The following SVEP1 variants were observed in gnomAD, a reference collection of about 807,000 sequenced individuals.
SVEP1 encodes the protein sushi, von Willebrand factor type A, EGF and pentraxin domain containing 1, also known as sushi, von Willebrand factor type A, EGF and pentraxin domain-containing protein 1.
Under a neutral mutation model 367.3 loss-of-function variants are expected in SVEP1, and 164 were observed. The observed-to-expected ratio is 0.45, with a 90% CI of 0.39 to 0.51. The LOEUF is 0.51. SVEP1 is among the 20% of genes least tolerant of loss of function. The pLI is 0.00. For synonymous variants in SVEP1, 1,666 were observed against 1,611.6 expected (o/e 1.03, Z -0.81); for missense variants, 4,117 against 4,425.3 (o/e 0.93, Z 1.98).
chr9:110,491,621 A>G (rs1175789061), intron 8 of SVEP1, among the ~76,000 whole-genome samples: 1 of 117,594 alleles, frequency 8.5e-6, no homozygotes, highest in Admixed American at 9.0e-5. Flanking sequence ...GTGTGTGCAA[A>G]TTTATCTGTA....
chr9:110,511,773 T>C (rs575098132), intron 5 of SVEP1, among the ~76,000 whole-genome samples: 110 of 152,218 alleles, frequency 7.2e-4, no homozygotes, highest in African/African-American at 2.6e-3. Context: ...CATAGATGTC[T>C]CCTGGGATTC....
intron 43 of SVEP1, among the ~76,000 whole-genome samples, chr9:110,381,395 G>C (rs969021047): frequency 1.3e-5 from 2 of 151,546 alleles, no homozygotes; most frequent in Non-Finnish European, 2.9e-5. Context: ...AGAGATTCTG[G>C]TACATTGTCT....
chr9:110,498,331 T>A, intron 7 of SVEP1, among the ~76,000 whole-genome samples: 1 of 152,176 alleles, frequency 6.6e-6, no homozygotes, highest in East Asian at 1.9e-4. Flanking sequence ...GAAATTTTTC[T>A]CCATCTCCTC....
At chr9:110,507,441 T>C (rs1829641976) in intron 5 of SVEP1, among the ~76,000 whole-genome samples, 1 of 152,214 alleles carries the variant, frequency 6.6e-6, no homozygotes, top group Admixed American at 6.5e-5. Context: ...CCCATTCAAA[T>C]TATATTAATC....
At chr9:110,457,209 AT>A in intron 21 of SVEP1, 46 bp downstream of exon 21, 1 of 1,437,364 alleles carries the variant, frequency 7.0e-7, no homozygotes, top group Middle Eastern at 1.8e-4. Context: ...AGTCATAATG[AT>A]TTCATATAAA....
chr9:110,379,061 T>C (rs748684043), intron 44 of SVEP1, among the ~76,000 whole-genome samples: 6 of 152,170 alleles, frequency 3.9e-5, no homozygotes, highest in Non-Finnish European at 7.3e-5. Context: ...TTATGATGTA[T>C]AAAAATCATA....
At chr9:110,557,295 C>A (rs184418511) in intron 1 of SVEP1, among the ~76,000 whole-genome samples, 33 of 152,266 alleles carry the variant, frequency 2.2e-4, no homozygotes, top group African/African-American at 7.9e-4. Flanking sequence ...GAGATTGAAT[C>A]CCGGCATTGC....
chr9:110,432,359 TAAAGTTAAC>T (rs1462564447), intron 31 of SVEP1, 94 bp downstream of exon 31: 2 of 1,416,002 alleles, frequency 1.4e-6, no homozygotes, highest in Non-Finnish European at 9.5e-7. Context: ...TGGGATGAGA[TAAAGTTAAC>T]AAAGCAATGC....
At chr9:110,391,389 G>C (rs1827653298) in intron 40 of SVEP1, among the ~76,000 whole-genome samples, 1 of 151,130 alleles carries the variant, frequency 6.6e-6, no homozygotes, top group Non-Finnish European at 1.5e-5. Flanking sequence ...TCCTGCCTCA[G>C]CTCCCCAAGT....
intron 18 of SVEP1, among the ~76,000 whole-genome samples, chr9:110,463,651 G>A (rs1283117958): frequency 1.4e-5 from 2 of 144,662 alleles, no homozygotes; most frequent in Admixed American, 7.0e-5. Flanking sequence ...AGAAAGAAAG[G>A]CTGATGAAAG....
At chr9:110,528,156 G>GTATATATATATA (rs59360366) in intron 3 of SVEP1, among the ~76,000 whole-genome samples, 490 of 33,828 alleles carry the variant, frequency 0.014, 11 homozygotes, top group Middle Eastern at 0.038. Flanking sequence ...GTGTGTGTGT[G>GTATATATATATA]TATATATATA....
At position 110,406,271 on chromosome 9, in the gene SVEP1, C is replaced by T. The variant is rs749769580; in HGVS notation, c.9329G>A (p.Trp3110Ter). The change falls in exon 38 of 48, where the codon TGG becomes TAG. Residue 3110 changes from tryptophan to a stop codon, truncating the protein, a stop_gained. Coordinates refer to ENST00000374469, the MANE Select transcript of SVEP1 (RefSeq NM_153366.4). LOFTEE classifies it high-confidence loss of function. ...CTCACAGACTGGATAAGGCTGGCTC[C>T]ATACCCCTTTCTCTGTACAAATCAG... is the stretch of plus-strand genomic sequence containing the variant. ...SDLICTEKGV[W>*]SQPYPVCEPL... 1 of 1,614,058 alleles carries T rather than the reference C, an allele frequency of 6.2e-7. No homozygotes were observed. Among genetic ancestry groups the T allele is most frequent in the South Asian group, 1.1e-5 (1 of 91,088 alleles).
chr9:110,576,212 T>A (rs1830625120), intron 1 of SVEP1, among the ~76,000 whole-genome samples: 1 of 150,092 alleles, frequency 6.7e-6, no homozygotes, highest in African/African-American at 2.5e-5. Context: ...CCTAAATACA[T>A]AGTAATAGGT....
intron 3 of SVEP1, among the ~76,000 whole-genome samples, chr9:110,532,412 G>A (rs1438564511): frequency 1.3e-5 from 2 of 152,060 alleles, no homozygotes; most frequent in Non-Finnish European, 2.9e-5. Context: ...AAATCGAGAA[G>A]GACTAGTAAG....
intron 39 of SVEP1, among the ~76,000 whole-genome samples, chr9:110,402,950 T>C (rs1178686713): frequency 6.6e-6 from 1 of 152,194 alleles, no homozygotes; most frequent in African/African-American, 2.4e-5. Context: ...CTTGAGTCCC[T>C]ACTATATGTC....
intron 30 of SVEP1, among the ~76,000 whole-genome samples, chr9:110,434,014 C>T (rs761163233): frequency 1.7e-4 from 26 of 152,146 alleles, no homozygotes; most frequent in Non-Finnish European, 3.4e-4. Context: ...AATGAATGCA[C>T]TCGACTGAAG....
chr9:110,577,485 A>T (rs1048983856), intron 1 of SVEP1, among the ~76,000 whole-genome samples: 7 of 152,120 alleles, frequency 4.6e-5, no homozygotes, highest in Non-Finnish European at 7.4e-5. Context: ...CACAAAAATA[A>T]ATTCCAGATG....
chr9:110,460,742 G>GTT (rs1330395860), intron 18 of SVEP1, among the ~76,000 whole-genome samples: 2 of 151,296 alleles, frequency 1.3e-5, no homozygotes, highest in East Asian at 3.9e-4. Context: ...AACGGAGTGA[G>GTT]ACTCCGTCTC....
intron 36 of SVEP1, among the ~76,000 whole-genome samples, chr9:110,423,160 A>T (rs1231133633): frequency 7.9e-6 from 1 of 127,346 alleles, no homozygotes. Flanking sequence ...AAAAATAAAA[A>T]AATAAAGTAA....
Sources: allele counts gnomAD v4.1 joint callset (sites outside exome capture counted in the v4.1 genomes callset), GRCh38; gene constraint gnomAD v4.1.1; transcripts MANE v1.5; gene names NCBI Gene and HGNC (gene_info 2026-07-23, HGNC 2026-07-21).